EMP2: variants seen among roughly 807,000 people sequenced by gnomAD.
EMP2 encodes epithelial membrane protein 2.
In EMP2, 19 loss-of-function variants were observed where a neutral mutation model predicts 13.7. The observed-to-expected ratio is 1.38, with a 90% confidence interval of 0.97 to 2.03. The LOEUF (loss-of-function observed/expected upper bound fraction) is 2.03. Among genes scored for constraint, EMP2 ranks in the 30% most tolerant of loss-of-function variants. The probability of loss-of-function intolerance (pLI) is 0.00; values close to 1 mark genes in which losing one functional copy is unlikely to be tolerated. For missense variants in EMP2, 253 were observed against 220.7 expected (o/e 1.15, Z -0.93); for synonymous variants, 97 against 84.7 (o/e 1.15, Z -0.80).
At position 10,532,763 on chromosome 16, in the gene EMP2, T is replaced by TC. The variant is rs35468276; in HGVS notation, c.*141_*142insG. 0.034 allele frequency: 7,147 copies of TC among 212,512 alleles called. 568 individuals carry two copies. The highest frequency in any genetic ancestry group is 0.084 in the South Asian group (233 of 2,762). 13.2% of individuals were successfully genotyped at this position (212,512 alleles called of 1,614,324 possible). A position where few individuals can be genotyped will look rare whatever the true frequency, so the allele number is the denominator to read the frequency against. On this transcript the variant is annotated 3_prime_UTR_variant, in exon 5 of 5. Coordinates refer to ENST00000359543, the MANE Select transcript of EMP2 (RefSeq NM_001424.6). ...GGATTTTTTTTTTCTTTTTTCTTTT[T>TC]TTTTTTTTTTTTTTTTTTTTTTTGG... is the stretch of plus-strand genomic sequence containing the variant.
intron 1 of EMP2, among the ~76,000 whole-genome samples, chr16:10,579,487 C>T (rs939565602): frequency 1.3e-5 from 2 of 152,076 alleles, no homozygotes; most frequent in Non-Finnish European, 2.9e-5. Context: ...ATACCCAAAA[C>T]TTTTTCATCC....
chr16:10,559,550 T>C (rs1428467956), intron 1 of EMP2, among the ~76,000 whole-genome samples: 2 of 152,332 alleles, frequency 1.3e-5, no homozygotes, highest in Non-Finnish European at 2.9e-5. Context: ...ACAACCACAA[T>C]TTCAACAATA....
chr16:10,575,782 G>C (rs1256960803), intron 1 of EMP2, among the ~76,000 whole-genome samples: 4 of 152,038 alleles, frequency 2.6e-5, no homozygotes, highest in African/African-American at 9.7e-5. Context: ...CTGATCCACA[G>C]ACAGCTGGCA....
chr16:10,562,059 A>T (rs889147771), intron 1 of EMP2, among the ~76,000 whole-genome samples: 1 of 152,216 alleles, frequency 6.6e-6, no homozygotes. Context: ...GGGACACCCC[A>T]CCTCATTCTG....
chr16:10,580,538 C>T lies in EMP2; in HGVS notation c.-61+11G>A, dbSNP rs1349707899. On this transcript the variant is annotated intron_variant, in intron 1 of 4. Coordinates refer to ENST00000359543, the MANE Select transcript of EMP2 (RefSeq NM_001424.6). This position sits in a 1 kb window ranked among gnomAD's most constrained non-coding sequence, Gnocchi z 4.3. Reference sequence around the variant, plus strand: ...ATGTCGCCCCGCGCCCTGGGTGCGCCCACAACTCACCCGGCGCTGGCGGCT... The same window carrying T: ...ATGTCGCCCCGCGCCCTGGGTGCGCTCACAACTCACCCGGCGCTGGCGGCT... 2.0e-5 allele frequency: 3 copies of T among 152,506 alleles called. No individual in the cohort carries two copies. The highest frequency in any genetic ancestry group is 4.4e-5 in the Non-Finnish European group (3 of 68,300). The allele number at this position is 152,506 out of a possible 1,614,324, so 9.4% of individuals were successfully genotyped here.
intron 3 of EMP2, 99 bp from the exon 4 acceptor site, chr16:10,538,173 A>AG: frequency 6.9e-7 from 1 of 1,451,996 alleles, no homozygotes; most frequent in Non-Finnish European, 9.4e-7. Flanking sequence ...GTGTGACAGG[A>AG]GGCAAACAGG....
At chr16:10,548,601 G>A (rs2050757882) in intron 1 of EMP2, among the ~76,000 whole-genome samples, 1 of 152,116 alleles carries the variant, frequency 6.6e-6, no homozygotes, top group Non-Finnish European at 1.5e-5. Flanking sequence ...AACTAAGACA[G>A]AAGGATTGCT....
At chr16:10,543,493 G>A (rs1567202625) in intron 3 of EMP2, 77 bp downstream of exon 3, 2 of 1,523,464 alleles carry the variant, frequency 1.3e-6, no homozygotes, top group East Asian at 4.5e-5. Context: ...TACGGAGTCG[G>A]GGAACCCGAA....
At chr16:10,552,648 T>C (rs1055924968) in intron 1 of EMP2, among the ~76,000 whole-genome samples, 1 of 152,246 alleles carries the variant, frequency 6.6e-6, no homozygotes, top group Non-Finnish European at 1.5e-5. Flanking sequence ...TCTTTCTTTT[T>C]ATAAGGAAGA....
chr16:10,529,144 C>T lies in EMP2; in HGVS notation c.*3761G>A, dbSNP rs1278756837. 2 of 152,100 alleles carry T rather than the reference C, an allele frequency of 1.3e-5. No homozygotes were observed. The highest frequency in any genetic ancestry group is 2.4e-5 in the African/African-American group (1 of 41,384). 9.4% of individuals were successfully genotyped at this position (152,100 alleles called of 1,614,324 possible). A position where few individuals can be genotyped will look rare whatever the true frequency, so the allele number is the denominator to read the frequency against. ...GTTAGTCTGTCTCCATCACATAGCC[C>T]CTCAATGAAAGAATTACAGTACTTT... On this transcript the variant is annotated 3_prime_UTR_variant, in exon 5 of 5. Transcript: ENST00000359543.
intron 1 of EMP2, among the ~76,000 whole-genome samples, chr16:10,555,551 T>A (rs1421661496): frequency 6.6e-6 from 1 of 152,088 alleles, no homozygotes; most frequent in African/African-American, 2.4e-5. Context: ...AACAGTCTTC[T>A]GTCATACCCC....
In EMP2 at chr16:10,579,738, A is replaced by ACACACACACACC. The variant is rs748732742; in HGVS notation, c.-61+810_-61+811insGGTGTGTGTGTG. On this transcript the variant is annotated intron_variant, in intron 1 of 4. Transcript: ENST00000359543. ...CACACACACACACACACACACACAC[A>ACACACACACACC]CCCTCAAAGCTTGGGAGGGGCAGTG... 1.5e-4 allele frequency among the ~76,000 whole-genome samples: 22 copies of ACACACACACACC among 145,202 alleles called. No homozygotes were observed. In the South Asian group the frequency reaches 1.6e-3, roughly 10 times the overall value.
At chr16:10,549,599 T>C (rs1024796558) in intron 1 of EMP2, among the ~76,000 whole-genome samples, 7 of 151,794 alleles carry the variant, frequency 4.6e-5, no homozygotes, top group Admixed American at 1.3e-4. Flanking sequence ...AGATAGTTAC[T>C]ACATTTTTTT....
chr16:10,575,863 C>G (rs1180329156), intron 1 of EMP2, among the ~76,000 whole-genome samples: 3 of 152,024 alleles, frequency 2.0e-5, no homozygotes, highest in African/African-American at 7.2e-5. Flanking sequence ...AGTTGCAGGT[C>G]TCGGTCTGAA....
At chr16:10,538,644 T>G (rs571661342) in intron 3 of EMP2, among the ~76,000 whole-genome samples, 2 of 152,006 alleles carry the variant, frequency 1.3e-5, no homozygotes, top group African/African-American at 4.8e-5. Context: ...GTATGAAGGT[T>G]TGGGGCTCAG....
chr16:10,534,033 T>G (rs994356862), intron 4 of EMP2, among the ~76,000 whole-genome samples: 1 of 151,838 alleles, frequency 6.6e-6, no homozygotes, highest in African/African-American at 2.4e-5. Context: ...GAGAATCGCT[T>G]TAACTCACGA....
intron 1 of EMP2, among the ~76,000 whole-genome samples, chr16:10,551,787 A>T (rs1729041730): frequency 6.6e-6 from 1 of 151,774 alleles, no homozygotes; most frequent in African/African-American, 2.4e-5. Context: ...GACTGCACAA[A>T]CCCTCCACCT....
intron 3 of EMP2, 119 bp downstream of exon 3, chr16:10,543,451 C>G (rs1482607026): frequency 8.6e-7 from 1 of 1,163,646 alleles, no homozygotes; most frequent in Non-Finnish European, 1.3e-6. Context: ...GCGGCCAGGC[C>G]CACCGGAGTA....
At position 10,550,033 on chromosome 16, in the gene EMP2, G is replaced by C. The variant is rs371062263; in HGVS notation, c.-60-2356C>G. 5.9e-5 allele frequency among the ~76,000 whole-genome samples: 9 copies of C among 151,580 alleles called. No homozygotes were observed. In the East Asian group the frequency reaches 1.7e-3, roughly 29 times the overall value. On this transcript the variant is annotated intron_variant, in intron 1 of 4. Coordinates refer to ENST00000359543, the MANE Select transcript of EMP2 (RefSeq NM_001424.6). ...CCTGAGTAGCTGGGACTACAGGCAC[G>C]TGTCACCACGCCCAGCTAATTTTTG...
Sources: gnomAD v4.1 joint callset for allele counts (sites outside exome capture counted in the v4.1 genomes callset) on GRCh38, gnomAD v4.1.1 for gene constraint, Gnocchi (gnomAD v3.1) non-coding constraint, MANE v1.5 for transcripts, NCBI Gene and HGNC (gene_info 2026-07-23, HGNC 2026-07-21) for gene names.